RNF180: variants seen among roughly 807,000 people sequenced by gnomAD.
The protein encoded by RNF180 is E3 ubiquitin-protein ligase RNF180.
A neutral mutation model predicts 59.2 loss-of-function variants in RNF180; 38 were observed. The ratio of observed to expected loss-of-function variants is 0.64; its 90% CI spans 0.50 to 0.84. The LOEUF is 0.84. RNF180 is among the 40% of genes least tolerant of loss of function. The pLI is 0.00. For missense variants in RNF180, 705 were observed against 700.9 expected (o/e 1.01, Z -0.07); for synonymous variants, 262 against 240.3 (o/e 1.09, Z -0.84).
intron 5 of RNF180, among the ~76,000 whole-genome samples, chr5:64,276,766 G>A (rs1359016599): frequency 6.6e-6 from 1 of 151,708 alleles, no homozygotes; most frequent in East Asian, 1.9e-4. Context: ...AGTCTTATAA[G>A]GAAAAAAATC....
chr5:64,271,917 A>G (rs750484007), intron 5 of RNF180, among the ~76,000 whole-genome samples: 34 of 152,086 alleles, frequency 2.2e-4, no homozygotes, highest in Admixed American at 4.6e-4. Context: ...CTCACCAGCA[A>G]TAACCCTTCC....
chr5:64,280,390 C>T (rs2112386554), intron 5 of RNF180, among the ~76,000 whole-genome samples: 1 of 152,176 alleles, frequency 6.6e-6, no homozygotes, highest in Middle Eastern at 3.4e-3. Context: ...TTGCCAGGGC[C>T]TATGACCAGA....
intron 2 of RNF180, among the ~76,000 whole-genome samples, chr5:64,207,439 T>C (rs1417170404): frequency 6.6e-6 from 1 of 152,060 alleles, no homozygotes; most frequent in African/African-American, 2.4e-5. Flanking sequence ...CTAAAATAGA[T>C]TGCCACTATT....
In RNF180 at chr5:64,255,767, A is replaced by C. The variant is rs189571805; in HGVS notation, c.1227+38371A>C. Among the ~76,000 whole-genome samples, 1,244 of 152,346 alleles carry C rather than the reference A, an allele frequency of 8.2e-3. 16 individuals carry two copies. The highest frequency in any genetic ancestry group is 0.029 in the African/African-American group (1,188 of 41,582). On this transcript the variant is annotated intron_variant, in intron 5 of 7. Coordinates refer to ENST00000389100, the MANE Select transcript of RNF180 (RefSeq NM_001113561.2). ...ATTTCTAGTTCCAGATCCCTGAGGA[A>C]TCGCCACACTGTCTTCCACAATGGT... is the stretch of plus-strand genomic sequence containing the variant.
chr5:64,368,069 C>T (rs544474279), intron 7 of RNF180, among the ~76,000 whole-genome samples: 1 of 151,674 alleles, frequency 6.6e-6, no homozygotes, highest in South Asian at 2.1e-4. Context: ...TAATATTTCT[C>T]AGAAATGTCA....
intron 5 of RNF180, among the ~76,000 whole-genome samples, chr5:64,284,983 A>G (rs185545436): frequency 2.0e-5 from 3 of 152,162 alleles, no homozygotes; most frequent in African/African-American, 7.2e-5. Flanking sequence ...TGTCCTTTGT[A>G]TGGGGATTTT....
chr5:64,352,863 C>G (rs1483679838), intron 7 of RNF180, among the ~76,000 whole-genome samples: 1 of 151,910 alleles, frequency 6.6e-6, no homozygotes, highest in Non-Finnish European at 1.5e-5. Flanking sequence ...TGGCTGAAGA[C>G]TCAGCTCCAT....
At chr5:64,207,878 G>A (rs1369958323) in intron 2 of RNF180, among the ~76,000 whole-genome samples, 1 of 152,090 alleles carries the variant, frequency 6.6e-6, no homozygotes, top group Admixed American at 6.6e-5. Context: ...TTTCCCTGTG[G>A]TGTTAGCTGC....
intron 7 of RNF180, among the ~76,000 whole-genome samples, chr5:64,349,907 T>C (rs1218675461): frequency 2.6e-5 from 4 of 152,214 alleles, no homozygotes; most frequent in Non-Finnish European, 5.9e-5. Context: ...TATGTGTGTA[T>C]GTGTCTTTAT....
At chr5:64,289,937 G>T (rs1742487423) in intron 5 of RNF180, among the ~76,000 whole-genome samples, 1 of 151,962 alleles carries the variant, frequency 6.6e-6, no homozygotes, top group South Asian at 2.1e-4. Flanking sequence ...TTTAGGGTTT[G>T]TTTGCTCTTG....
At position 64,230,436 on chromosome 5, in the gene RNF180, T is replaced by C. The variant is rs918781537; in HGVS notation, c.1227+13040T>C. The stretch of plus-strand genomic sequence containing the variant: ...TGGCATCTAGAGTCTGAACCTTGGC[T>C]CATACAAAACTTCCATATTCAAAGC... On this transcript the variant is annotated intron_variant, in intron 5 of 7. Transcript: ENST00000389100. Among the ~76,000 whole-genome samples the C allele has an allele frequency of 2.0e-5, 3 of 152,218 alleles. No individual in the cohort carries two copies. The South Asian group carries it at 6.2e-4, about 31-fold the overall frequency.
chr5:64,209,978 T>C (rs1657368286), intron 2 of RNF180, among the ~76,000 whole-genome samples: 1 of 152,142 alleles, frequency 6.6e-6, no homozygotes, highest in South Asian at 2.1e-4. Context: ...CCCAAGTTTC[T>C]TTAAAAATTT....
At position 64,297,293 on chromosome 5, in the gene RNF180, G is replaced by T. The variant is rs558950132; in HGVS notation, c.1228-27893G>T. ...TATTCTGGTAAATTTCTCACAAAAG[G>T]CCTGGTTTCTTACATTTTTCAGTGC... On this transcript the variant is annotated intron_variant, in intron 5 of 7. Transcript: ENST00000389100. Among the ~76,000 whole-genome samples, 11 of 151,952 alleles carry T rather than the reference G, an allele frequency of 7.2e-5. 1 individual carries two copies. In the South Asian group the frequency reaches 2.3e-3, roughly 32 times the overall value.
intron 5 of RNF180, among the ~76,000 whole-genome samples, chr5:64,255,454 G>GT (rs1335614750): frequency 1.3e-5 from 2 of 152,118 alleles, no homozygotes; most frequent in African/African-American, 2.4e-5. Context: ...GTGGTGTATG[G>GT]TTTTTTGTCC....
At chr5:64,209,168 C>A (rs1274469936) in intron 2 of RNF180, among the ~76,000 whole-genome samples, 1 of 151,912 alleles carries the variant, frequency 6.6e-6, no homozygotes, top group Non-Finnish European at 1.5e-5. Context: ...ACTCTTAAAA[C>A]GGTGCCTGTG....
chr5:64,235,490 T>C (rs1489223881), intron 5 of RNF180, among the ~76,000 whole-genome samples: 1 of 152,048 alleles, frequency 6.6e-6, no homozygotes, highest in Non-Finnish European at 1.5e-5. Context: ...TATATACATT[T>C]GCCAAGGTAG....
chr5:64,350,279 ATTTG>A (rs1335920463), intron 7 of RNF180, among the ~76,000 whole-genome samples: 3 of 151,794 alleles, frequency 2.0e-5, no homozygotes, highest in African/African-American at 4.8e-5. Flanking sequence ...TTTCTTGTAA[ATTTG>A]TTTGAGTTCT....
intron 1 of RNF180, among the ~76,000 whole-genome samples, chr5:64,197,565 C>A (rs1423013562): frequency 6.6e-6 from 1 of 152,132 alleles, no homozygotes; most frequent in Non-Finnish European, 1.5e-5. Context: ...ATGCAAAAAA[C>A]CTGTTTATCG....
chr5:64,346,359 C>CTTTTTTTTTTTT lies in RNF180; in HGVS notation c.1579+15969_1579+15980dup, dbSNP rs1162054033. ...TCTATTCTTCTTTTTTTCTTTTCTT[C>CTTTTTTTTTTTT]TTTTTTTTTTTTTTTTTTTTTTTTT... On this transcript the variant is annotated intron_variant, in intron 7 of 7. Coordinates refer to ENST00000389100, the MANE Select transcript of RNF180 (RefSeq NM_001113561.2). Among the ~76,000 whole-genome samples the CTTTTTTTTTTTT allele has an allele frequency of 3.3e-4, 14 of 42,954 alleles. 1 individual carries two copies. Among genetic ancestry groups the CTTTTTTTTTTTT allele is most frequent in the African/African-American group, 4.6e-4 (5 of 10,800 alleles). 28.2% of individuals were successfully genotyped at this position (42,954 alleles called of 152,430 possible).
Sources: allele counts gnomAD v4.1 joint callset (sites outside exome capture counted in the v4.1 genomes callset), GRCh38; gene constraint gnomAD v4.1.1; transcripts MANE v1.5; gene names NCBI Gene and HGNC (gene_info 2026-07-23, HGNC 2026-07-21).